SYT1: variants seen among roughly 807,000 people sequenced by gnomAD.
SYT1 encodes the protein synaptotagmin-1.
In SYT1, 8 loss-of-function variants were observed where a neutral mutation model predicts 44.8. The ratio of observed to expected loss-of-function variants is 0.18; its 90% CI spans 0.10 to 0.32. The LOEUF (loss-of-function observed/expected upper bound fraction) is 0.32. Ranked by LOEUF, SYT1 falls within the 10% of genes least tolerant of loss-of-function variation. The probability of loss-of-function intolerance (pLI) is 1.00; values close to 1 mark genes in which losing one functional copy is unlikely to be tolerated. For synonymous variants in SYT1, 154 were observed against 188.8 expected (o/e 0.82, Z 1.51); for missense variants, 286 against 509.3 (o/e 0.56, Z 4.22).
intron 1 of SYT1, among the ~76,000 whole-genome samples, chr12:78,947,481 C>T (rs751499940): frequency 6.7e-6 from 1 of 148,428 alleles, no homozygotes; most frequent in Non-Finnish European, 1.5e-5. Context: ...TCAAATTTAG[C>T]CAGATGACAG....
At chr12:79,442,806 C>G (rs1274688064) in intron 9 of SYT1, among the ~76,000 whole-genome samples, 1 of 152,122 alleles carries the variant, frequency 6.6e-6, no homozygotes, top group African/African-American at 2.4e-5. Context: ...TGGAAAGTTT[C>G]TCCTAGCTCT....
At chr12:79,055,291 G>A (rs1874847863) in intron 3 of SYT1, among the ~76,000 whole-genome samples, 1 of 151,844 alleles carries the variant, frequency 6.6e-6, no homozygotes, top group Non-Finnish European at 1.5e-5. Flanking sequence ...AGCTCTCATT[G>A]ATATTAGTCT....
At chr12:79,149,661 G>A (rs1315417773) in intron 3 of SYT1, among the ~76,000 whole-genome samples, 1 of 152,102 alleles carries the variant, frequency 6.6e-6, no homozygotes, top group African/African-American at 2.4e-5. Flanking sequence ...TAAAAATAGG[G>A]TGATGAGTGC....
In SYT1 at chr12:79,040,516, G is replaced by A. The variant is rs561247794; in HGVS notation, c.-83-6781G>A. Among the ~76,000 whole-genome samples the A allele has an allele frequency of 3.2e-3, 492 of 152,200 alleles. 2 individuals are homozygous for A. The highest frequency in any genetic ancestry group is 5.1e-3 in the Non-Finnish European group (345 of 68,000). ...TTGTTTGAGTTCATTGTAGATTCTG[G>A]ATATTAGCCCTTTGACAGATGAGCA... On this transcript the variant is annotated intron_variant, in intron 2 of 10. Transcript: ENST00000261205.
chr12:78,916,501 TC>T (rs1248982524), intron 1 of SYT1, among the ~76,000 whole-genome samples: 2 of 152,040 alleles, frequency 1.3e-5, no homozygotes, highest in Non-Finnish European at 2.9e-5. Flanking sequence ...CTTATTTCTC[TC>T]TTATCCTACT....
At chr12:79,137,897 C>A (rs1042094357) in intron 3 of SYT1, among the ~76,000 whole-genome samples, 1 of 152,156 alleles carries the variant, frequency 6.6e-6, no homozygotes, top group Non-Finnish European at 1.5e-5. Flanking sequence ...TTTCTCTGCA[C>A]AAATTTCTTT....
At chr12:79,064,716 T>C (rs1467774675) in intron 3 of SYT1, among the ~76,000 whole-genome samples, 1 of 151,742 alleles carries the variant, frequency 6.6e-6, no homozygotes, top group Non-Finnish European at 1.5e-5. Flanking sequence ...TTGGGGGGTA[T>C]GATTTTTCTT....
intron 2 of SYT1, 138 bp downstream of exon 2, chr12:78,978,069 C>G (rs1868975928): frequency 6.6e-6 from 1 of 152,186 alleles, no homozygotes; most frequent in Admixed American, 6.5e-5. Flanking sequence ...AACTGTATCT[C>G]TTTAAAAATT....
At chr12:79,251,504 C>A (rs148564580) in intron 4 of SYT1, among the ~76,000 whole-genome samples, 2 of 152,136 alleles carry the variant, frequency 1.3e-5, no homozygotes, top group African/African-American at 4.8e-5. Context: ...AGTCAACAAG[C>A]GCAGGTAGCA....
At chr12:78,876,810 A>ATATATTATATGTAT (rs1565697644) in intron 1 of SYT1, among the ~76,000 whole-genome samples, 2 of 25,578 alleles carry the variant, frequency 7.8e-5, no homozygotes, top group African/African-American at 4.2e-4. Context: ...ATTATATGTA[A>ATATATTATATGTAT]TACATATCAT....
intron 4 of SYT1, among the ~76,000 whole-genome samples, chr12:79,223,587 C>T (rs1180622267): frequency 6.6e-6 from 1 of 152,160 alleles, no homozygotes; most frequent in African/African-American, 2.4e-5. Flanking sequence ...TGCCAGAAGC[C>T]TGAGGTCCAC....
intron 1 of SYT1, among the ~76,000 whole-genome samples, chr12:78,878,888 C>G (rs1874311211): frequency 6.6e-6 from 1 of 151,572 alleles, no homozygotes; most frequent in Non-Finnish European, 1.5e-5. Flanking sequence ...CTCCAGTGCC[C>G]CAGTGTCTTA....
intron 3 of SYT1, among the ~76,000 whole-genome samples, chr12:79,139,097 G>T (rs1445991360): frequency 6.6e-6 from 1 of 152,098 alleles, no homozygotes; most frequent in African/African-American, 2.4e-5. Flanking sequence ...CCGTAGCTCT[G>T]GCCCCCACAC....
At position 79,450,328 on chromosome 12, in the gene SYT1, C is replaced by T. The variant is rs1299349963; in HGVS notation, c.*1204C>T. ...ACAATTAGCCATAGTTCTGAATGCA[C>T]TTCAATTAAGCCAAAACAGACAGCT... On this transcript the variant is annotated 3_prime_UTR_variant, in exon 11 of 11. Coordinates refer to ENST00000261205, the MANE Select transcript of SYT1 (RefSeq NM_005639.3). The T allele has an allele frequency of 1.3e-5, 2 of 152,540 alleles. No homozygotes were observed. The highest frequency in any genetic ancestry group is 4.8e-5 in the African/African-American group (2 of 41,406). The allele number at this position is 152,540 out of a possible 1,614,324, so 9.4% of individuals were successfully genotyped here.
At chr12:79,135,259 C>G (rs1869117313) in intron 3 of SYT1, among the ~76,000 whole-genome samples, 1 of 149,526 alleles carries the variant, frequency 6.7e-6, no homozygotes, top group Non-Finnish European at 1.5e-5. Flanking sequence ...CCCCCTCCCC[C>G]CATCCCACAA....
At chr12:79,405,689 C>CT (rs1885218802) in intron 9 of SYT1, among the ~76,000 whole-genome samples, 1 of 152,114 alleles carries the variant, frequency 6.6e-6, no homozygotes, top group South Asian at 2.1e-4. Context: ...TTGGGAATTA[C>CT]TTTTTTCACA....
intron 3 of SYT1, among the ~76,000 whole-genome samples, chr12:79,158,304 C>T (rs113351542): frequency 0.01 from 1,582 of 152,176 alleles, 30 homozygotes; most frequent in African/African-American, 0.036. Flanking sequence ...GCACACAACC[C>T]AGATTCCTCA....
intron 2 of SYT1, among the ~76,000 whole-genome samples, chr12:79,039,310 A>G (rs1873354092): frequency 6.6e-6 from 1 of 152,102 alleles, no homozygotes; most frequent in African/African-American, 2.4e-5. Context: ...TAAACAGATT[A>G]ATGTTCTTTA....
chr12:79,355,489 G>A (rs925922349), intron 9 of SYT1, among the ~76,000 whole-genome samples: 1 of 152,112 alleles, frequency 6.6e-6, no homozygotes, highest in African/African-American at 2.4e-5. Flanking sequence ...TAATTATTAA[G>A]TAAGAATATT....
Sources: gnomAD v4.1 joint callset for allele counts (sites outside exome capture counted in the v4.1 genomes callset) on GRCh38, gnomAD v4.1.1 for gene constraint, MANE v1.5 for transcripts, NCBI Gene and HGNC (gene_info 2026-07-23, HGNC 2026-07-21) for gene names.